Variants in NAALADL2 observed in about 807,000 individuals in gnomAD.
The protein encoded by NAALADL2 is inactive N-acetylated-alpha-linked acidic dipeptidase-like protein 2.
Under a neutral mutation model 87.2 loss-of-function variants are expected in NAALADL2, and 76 were observed. The ratio of observed to expected loss-of-function variants is 0.87; its 90% confidence interval spans 0.72 to 1.05. NAALADL2 has a LOEUF of 1.05. Ranked by LOEUF, NAALADL2 falls within the 50% of genes least tolerant of loss-of-function variation. NAALADL2 has a pLI of 0.00. For synonymous variants in NAALADL2, 354 were observed against 331.0 expected, an observed-to-expected ratio of 1.07 and a Z score of -0.75; for missense variants, 1,089 against 945.8, an observed-to-expected ratio of 1.15 and a Z score of -1.99.
chr3:174,921,115 C>T (rs1303169909), intron 1 of NAALADL2, among the ~76,000 whole-genome samples: 1 of 152,084 alleles, frequency 6.6e-6, no homozygotes, highest in Non-Finnish European at 1.5e-5. Flanking sequence ...AAATGTGAAA[C>T]AGAGTTATGA....
At chr3:174,663,830 C>G (rs1469455811) in intron 2 of NAALADL2, among the ~76,000 whole-genome samples, 3 of 151,340 alleles carry the variant, frequency 2.0e-5, no homozygotes, top group Admixed American at 2.0e-4. Context: ...CTCTGTCACC[C>G]AGGCTGGAGG....
intron 9 of NAALADL2, among the ~76,000 whole-genome samples, chr3:175,475,504 A>T (rs1205659705): frequency 6.6e-6 from 1 of 152,196 alleles, no homozygotes; most frequent in Non-Finnish European, 1.5e-5. Flanking sequence ...TATTTTAGGC[A>T]GCATTCTGTA....
chr3:174,633,582 G>A (rs1197805758), intron 2 of NAALADL2, among the ~76,000 whole-genome samples: 2 of 152,190 alleles, frequency 1.3e-5, no homozygotes, highest in African/African-American at 2.4e-5. Flanking sequence ...TGCTTAAACT[G>A]TCACTCTGCC....
At chr3:174,865,417 C>G (rs966855982) in intron 1 of NAALADL2, among the ~76,000 whole-genome samples, 1 of 151,878 alleles carries the variant, frequency 6.6e-6, no homozygotes, top group African/African-American at 2.4e-5. Flanking sequence ...CTCTTGATTC[C>G]TTTGTTCTCT....
chr3:174,890,797 A>T lies in NAALADL2; in HGVS notation c.43+31347A>T, dbSNP rs1053150504. Among the ~76,000 whole-genome samples the T allele has an allele frequency of 6.6e-5, 10 of 152,290 alleles. No individual in the cohort carries two copies. In the South Asian group the frequency reaches 2.1e-3, roughly 32 times the overall value. On this transcript the variant is annotated intron_variant, in intron 1 of 13. Coordinates refer to ENST00000454872, the MANE Select transcript of NAALADL2 (RefSeq NM_207015.3). Reference sequence around the variant, plus strand: ...ACTCCTGCTTTTCTTGATTCTGTGAACAATAATTACTAAATAAATATAAGA... The same window carrying T: ...ACTCCTGCTTTTCTTGATTCTGTGATCAATAATTACTAAATAAATATAAGA...
intron 1 of NAALADL2, among the ~76,000 whole-genome samples, chr3:174,475,383 T>C (rs1328326611): frequency 6.6e-6 from 1 of 151,866 alleles, no homozygotes; most frequent in African/African-American, 2.4e-5. Flanking sequence ...AGAGAAGATA[T>C]TAGATTACTC....
chr3:175,621,991 A>C (rs1015730559), intron 10 of NAALADL2, among the ~76,000 whole-genome samples: 11 of 152,156 alleles, frequency 7.2e-5, no homozygotes, highest in Non-Finnish European at 1.3e-4. Context: ...ACTTTGTTTC[A>C]GTTTCCTATT....
intron 3 of NAALADL2, among the ~76,000 whole-genome samples, chr3:175,245,898 C>T (rs1747885865): frequency 1.3e-5 from 2 of 152,096 alleles, no homozygotes; most frequent in African/African-American, 2.4e-5. Context: ...CCTCTTATGC[C>T]AACCCTTGTC....
chr3:175,277,067 C>T lies in NAALADL2; in HGVS notation c.939+20537C>T, dbSNP rs144617965. On this transcript the variant is annotated intron_variant, in intron 4 of 13. Transcript: ENST00000454872. ...GGCCAAGAGTATAGACATGTTGACG[C>T]CAATATATTTTAATATATTTATTAA... 5.5e-3 allele frequency among the ~76,000 whole-genome samples: 829 copies of T among 152,080 alleles called. 10 individuals are homozygous for T. The highest frequency in any genetic ancestry group is 0.019 in the African/African-American group (776 of 41,480).
chr3:175,510,535 T>A (rs774245209), intron 9 of NAALADL2, among the ~76,000 whole-genome samples: 4 of 152,198 alleles, frequency 2.6e-5, no homozygotes, highest in African/African-American at 7.2e-5. Context: ...GTACCAACTG[T>A]TTGGAAATGT....
chr3:174,822,039 C>T lies in NAALADL2; in HGVS notation c.-9+84293C>T, dbSNP rs553444185. ...TAAATGATGTATATATTTAAATTAT[C>T]TGCGATATTCATGTTCCTGAAGCAT... On this transcript the variant is annotated intron_variant, in intron 3 of 3. Transcript: ENST00000434257. Among the ~76,000 whole-genome samples, 117 of 152,154 alleles carry T rather than the reference C, an allele frequency of 7.7e-4. 1 individual carries two copies. In the Middle Eastern group the frequency reaches 0.01, roughly 13 times the overall value.
intron 3 of NAALADL2, among the ~76,000 whole-genome samples, chr3:174,840,370 A>C (rs1723881758): frequency 2.0e-5 from 3 of 152,186 alleles, no homozygotes; most frequent in African/African-American, 4.8e-5. Context: ...AACTGCTCTC[A>C]AGGTGTGCAC....
At chr3:175,656,035 C>CTAATG (rs1731414958) in intron 11 of NAALADL2, among the ~76,000 whole-genome samples, 1 of 152,166 alleles carries the variant, frequency 6.6e-6, no homozygotes, top group Non-Finnish European at 1.5e-5. Context: ...AGTGGCTTAT[C>CTAATG]TAATGTCCTT....
At chr3:175,215,284 C>G (rs1742344414) in intron 2 of NAALADL2, among the ~76,000 whole-genome samples, 1 of 152,092 alleles carries the variant, frequency 6.6e-6, no homozygotes, top group African/African-American at 2.4e-5. Flanking sequence ...AGAAATATCA[C>G]CAACAAAAAC....
At position 175,451,785 on chromosome 3, in the gene NAALADL2, C is replaced by T. The variant is rs140271674; in HGVS notation, c.1234+4413C>T. Among the ~76,000 whole-genome samples, 23 of 152,008 alleles carry T rather than the reference C, an allele frequency of 1.5e-4. No individual in the cohort carries two copies. In the East Asian group the frequency reaches 4.1e-3, roughly 27 times the overall value. ...GTCTCTTCAAATGGATATTCAAGTG[C>T]TATTATTTCCTTATTTCCTATTATT... On this transcript the variant is annotated intron_variant, in intron 6 of 13. Coordinates refer to ENST00000454872, the MANE Select transcript of NAALADL2 (RefSeq NM_207015.3).
chr3:175,078,589 A>G (rs1338928901), intron 1 of NAALADL2, among the ~76,000 whole-genome samples: 4 of 151,914 alleles, frequency 2.6e-5, no homozygotes, highest in Admixed American at 1.3e-4. Flanking sequence ...TCACTCCCCA[A>G]TTTCTCCAGT....
intron 5 of NAALADL2, among the ~76,000 whole-genome samples, chr3:175,329,673 T>C (rs891180579): frequency 6.6e-6 from 1 of 152,196 alleles, no homozygotes; most frequent in Admixed American, 6.5e-5. Context: ...ATTGTAAGTG[T>C]CTGGTGGTTC....
At position 175,426,944 on chromosome 3, in the gene NAALADL2, AAGCAACCTG is replaced by A. The variant is rs879667810; in HGVS notation, c.1091-20276_1091-20268del. Among the ~76,000 whole-genome samples the A allele has an allele frequency of 2.6e-5, 4 of 152,278 alleles. No homozygotes were observed. The East Asian group carries it at 7.7e-4, about 29-fold the overall frequency. ...TGACCGGAAACAGAATGTGCTGACT[AAGCAACCTG>A]AGCAACCTCATGATGACTGTTCACA... On this transcript the variant is annotated intron_variant, in intron 5 of 13. Transcript: ENST00000454872.
chr3:174,593,118 T>C (rs932953105), intron 2 of NAALADL2, among the ~76,000 whole-genome samples: 1 of 152,162 alleles, frequency 6.6e-6, no homozygotes, highest in Non-Finnish European at 1.5e-5. Context: ...TTGTCAAATA[T>C]ATTCTTTACA....
Sources: allele counts gnomAD v4.1 joint callset (sites outside exome capture counted in the v4.1 genomes callset), GRCh38; gene constraint gnomAD v4.1.1; transcripts MANE v1.5; gene names NCBI Gene and HGNC (gene_info 2026-07-23, HGNC 2026-07-21).